LRP1B: variants seen among roughly 807,000 people sequenced by gnomAD.
The protein encoded by LRP1B is low-density lipoprotein receptor-related protein 1B.
LRP1B carries 217 observed loss-of-function variants against 556.6 expected under a neutral mutation model. That is an observed-to-expected ratio of 0.39 (90% CI 0.35 to 0.44). The LOEUF (loss-of-function observed/expected upper bound fraction) is 0.44, where lower values mean the gene tolerates loss of function less well. Ranked by LOEUF, LRP1B falls within the 20% of genes least tolerant of loss-of-function variation. LRP1B has a pLI of 1.00. For missense variants in LRP1B, 5,053 were observed against 5,620.8 expected, an observed-to-expected ratio of 0.90 and a Z score of 3.23; for synonymous variants, 2,047 against 1,865.8, an observed-to-expected ratio of 1.10 and a Z score of -2.50.
chr2:141,354,784 A>T (rs1165345840), intron 3 of LRP1B, among the ~76,000 whole-genome samples: 1 of 152,084 alleles, frequency 6.6e-6, no homozygotes, highest in South Asian at 2.1e-4. Flanking sequence ...TTATAAAAAA[A>T]AAACTGAAAA....
At chr2:141,876,934 A>G (rs1478610173) in intron 1 of LRP1B, among the ~76,000 whole-genome samples, 1 of 151,948 alleles carries the variant, frequency 6.6e-6, no homozygotes, top group Non-Finnish European at 1.5e-5. Context: ...AATCTAAAGA[A>G]CCCAGTATGC....
Position 140,536,706 on chromosome 2 carries a change from T to C in LRP1B, c.7517A>G (p.Lys2506Arg), listed in dbSNP as rs1289660078. 1 of 1,589,182 alleles carries C rather than the reference T, an allele frequency of 6.3e-7. No individual in the cohort carries two copies. The highest frequency in any genetic ancestry group is 1.4e-5 in the African/African-American group (1 of 73,066). The part of the protein sequence containing the change: ...ILLEDNRCVT[K>R]NSSCNAYSEF... ...CGAATAAGCGTTGCAGGAGGAATTTTTAGCTGCAAGAAAAAAAAAAAAAGT... is the reference window on the plus strand; with the variant it reads ...CGAATAAGCGTTGCAGGAGGAATTTCTAGCTGCAAGAAAAAAAAAAAAAGT... The change falls in exon 46 of 91, where the codon AAA (lysine) becomes AGA (arginine). Residue 2506 changes from lysine (K) to arginine (R), a missense_variant. Lys to Arg is a conservative substitution (Grantham distance 26). Coordinates refer to ENST00000389484, the MANE Select transcript of LRP1B (RefSeq NM_018557.3).
rs753501196 is a variant in LRP1B, at chr2:141,935,360, C to A, written c.83-124959G>T. Among the ~76,000 whole-genome samples, 22 of 151,996 alleles carry A rather than the reference C, an allele frequency of 1.4e-4. 1 individual carries two copies. Among genetic ancestry groups the A allele is most frequent in the Non-Finnish European group, 2.8e-4 (19 of 68,010 alleles). On this transcript the variant is annotated intron_variant, in intron 1 of 90. Transcript: ENST00000389484. ...TATAAAATATGAAACTGAGTTTATA[C>A]AGTTAGTGTTTTAAGTTATTCATTA...
chr2:141,500,670 G>A (rs1683682032), intron 2 of LRP1B, among the ~76,000 whole-genome samples: 1 of 152,244 alleles, frequency 6.6e-6, no homozygotes, highest in South Asian at 2.1e-4. Context: ...CAATGAAAGA[G>A]GGATTCGGTC....
intron 1 of LRP1B, among the ~76,000 whole-genome samples, chr2:141,944,682 C>T (rs1186633352): frequency 6.6e-6 from 1 of 152,124 alleles, no homozygotes; most frequent in Non-Finnish European, 1.5e-5. Context: ...TTAGCATCTT[C>T]TACCTACAAT....
At chr2:141,561,758 C>T (rs964979438) in intron 2 of LRP1B, among the ~76,000 whole-genome samples, 1 of 151,874 alleles carries the variant, frequency 6.6e-6, no homozygotes, top group Non-Finnish European at 1.5e-5. Flanking sequence ...AAGACAACCT[C>T]TTTCTACTAT....
intron 33 of LRP1B, among the ~76,000 whole-genome samples, chr2:140,772,199 CCA>C (rs1447327554): frequency 2.0e-5 from 3 of 151,910 alleles, no homozygotes; most frequent in African/African-American, 4.8e-5. Context: ...CTGATTCATT[CCA>C]CATTTTTCCA....
chr2:140,960,594 C>G (rs188669683), intron 18 of LRP1B, among the ~76,000 whole-genome samples: 11 of 151,702 alleles, frequency 7.3e-5, no homozygotes, highest in African/African-American at 2.2e-4. Flanking sequence ...GAAAGGGGAC[C>G]TACGAGAATT....
intron 67 of LRP1B, among the ~76,000 whole-genome samples, chr2:140,381,861 CAAA>C (rs56723132): frequency 2.3e-4 from 15 of 64,198 alleles, no homozygotes; most frequent in Admixed American, 7.8e-4. Flanking sequence ...GGCTCCCTTT[CAAA>C]AAAAAAAAAA....
At chr2:141,625,446 A>G (rs1688672360) in intron 2 of LRP1B, among the ~76,000 whole-genome samples, 1 of 152,198 alleles carries the variant, frequency 6.6e-6, no homozygotes, top group South Asian at 2.1e-4. Flanking sequence ...TTATGAAAAC[A>G]TTATCTACTC....
intron 6 of LRP1B, among the ~76,000 whole-genome samples, chr2:141,203,514 G>A (rs1161201003): frequency 3.3e-5 from 5 of 152,116 alleles, no homozygotes; most frequent in Non-Finnish European, 2.9e-5. Flanking sequence ...ACCCAATACA[G>A]GAGCACCCAG....
intron 1 of LRP1B, among the ~76,000 whole-genome samples, chr2:142,057,666 TATA>T (rs1039325998): frequency 3.9e-5 from 6 of 152,128 alleles, no homozygotes; most frequent in Admixed American, 2.0e-4. Context: ...TTGGCAAGAG[TATA>T]ATATTTTTCA....
chr2:141,013,760 C>T lies in LRP1B; in HGVS notation c.2191-15G>A. Reference sequence around the variant, plus strand: ...CTGTAAACAATCTGTAAAATATAAACACATTGTGAAAAATCAGAACTGACC... The same window carrying T: ...CTGTAAACAATCTGTAAAATATAAATACATTGTGAAAAATCAGAACTGACC... On this transcript the variant is annotated splice_polypyrimidine_tract_variant and intron_variant, in intron 13 of 90. Transcript: ENST00000389484. The T allele has an allele frequency of 6.7e-7, 1 of 1,485,434 alleles. No individual in the cohort carries two copies. The highest frequency in any genetic ancestry group is 9.0e-7 in the Non-Finnish European group (1 of 1,113,538). 92.0% of individuals were successfully genotyped at this position (1,485,434 alleles called of 1,614,324 possible).
At chr2:141,319,096 T>C (rs182488987) in intron 3 of LRP1B, among the ~76,000 whole-genome samples, 38 of 152,202 alleles carry the variant, frequency 2.5e-4, no homozygotes, top group South Asian at 1.4e-3. Flanking sequence ...TATTGGCACA[T>C]ATTTCAACAG....
intron 5 of LRP1B, among the ~76,000 whole-genome samples, chr2:141,237,741 A>G (rs527326329): frequency 6.6e-6 from 1 of 152,254 alleles, no homozygotes; most frequent in East Asian, 1.9e-4. Flanking sequence ...GACAAAAGAC[A>G]ATAACATCAT....
chr2:141,402,340 A>G (rs1006843192), intron 3 of LRP1B, among the ~76,000 whole-genome samples: 1 of 152,120 alleles, frequency 6.6e-6, no homozygotes, highest in Non-Finnish European at 1.5e-5. Flanking sequence ...GGCTGTTCAA[A>G]TCAAATCTAT....
At chr2:140,245,720 A>G (rs1681131524) in intron 87 of LRP1B, among the ~76,000 whole-genome samples, 1 of 151,356 alleles carries the variant, frequency 6.6e-6, no homozygotes, top group Non-Finnish European at 1.5e-5. Context: ...GGGAAGAGAG[A>G]TAAAGTATTT....
At chr2:141,070,928 A>G (rs1433977836) in intron 7 of LRP1B, among the ~76,000 whole-genome samples, 1 of 152,148 alleles carries the variant, frequency 6.6e-6, no homozygotes, top group Non-Finnish European at 1.5e-5. Context: ...CCAGAGGTAC[A>G]AGGAGAAACT....
At chr2:140,291,931 G>A (rs1347796120) in intron 84 of LRP1B, among the ~76,000 whole-genome samples, 2 of 152,168 alleles carry the variant, frequency 1.3e-5, no homozygotes, top group African/African-American at 4.8e-5. Flanking sequence ...CACCAACAGT[G>A]TAAAAGTGTT....
Sources: allele counts gnomAD v4.1 joint callset (sites outside exome capture counted in the v4.1 genomes callset), GRCh38; gene constraint gnomAD v4.1.1; transcripts MANE v1.5; gene names NCBI Gene and HGNC (gene_info 2026-07-23, HGNC 2026-07-21).